PTPRD: variants seen among roughly 807,000 people sequenced by gnomAD.
The protein encoded by PTPRD is protein tyrosine phosphatase receptor type D.
In PTPRD, 34 loss-of-function variants were observed where a neutral mutation model predicts 214.5. The ratio of observed to expected loss-of-function variants is 0.16; its 90% CI spans 0.12 to 0.21. The LOEUF (loss-of-function observed/expected upper bound fraction) is 0.21, where lower values mean the gene tolerates loss of function less well. Among genes scored for constraint, PTPRD ranks in the 10% least tolerant of loss-of-function variants. The pLI, the probability that PTPRD is intolerant of heterozygous loss-of-function variation, is 1.00. For synonymous variants in PTPRD, 1,128 were observed against 845.7 expected (o/e 1.33, Z -5.79); for missense variants, 2,545 against 2,398.7 (o/e 1.06, Z -1.27).
intron 12 of PTPRD, 67 bp from the exon 13 acceptor site, chr9:8,636,911 C>A (rs2154328707): frequency 1.3e-6 from 2 of 1,510,260 alleles, no homozygotes; most frequent in Admixed American, 3.5e-5. Context: ...CCTACTACCG[C>A]TGCTCTCCCC....
Position 8,439,496 on chromosome 9 carries a change from T to C in PTPRD, c.3989-2807A>G, listed in dbSNP as rs148996296. ...AATGGAAAACTAGTATGCAGTTGAA[T>C]TGTTTATTTTTTGAACTATTTAAGT... On this transcript the variant is annotated intron_variant, in intron 34 of 45. Transcript: ENST00000381196. 1.2e-3 allele frequency among the ~76,000 whole-genome samples: 178 copies of C among 152,338 alleles called. 1 individual carries two copies. The highest frequency in any genetic ancestry group is 1.8e-3 in the Non-Finnish European group (125 of 68,026).
chr9:9,527,982 A>G (rs1214426828), intron 8 of PTPRD, among the ~76,000 whole-genome samples: 1 of 152,234 alleles, frequency 6.6e-6, no homozygotes, highest in Non-Finnish European at 1.5e-5. Context: ...ATGATCCCAA[A>G]AAGAATTAAA....
chr9:9,389,034 G>A (rs987827749), intron 9 of PTPRD, among the ~76,000 whole-genome samples: 1 of 151,990 alleles, frequency 6.6e-6, no homozygotes, highest in East Asian at 1.9e-4. Flanking sequence ...TCTGACTTTG[G>A]GCAAGTAACT....
At chr9:9,316,393 T>C (rs547029281) in intron 9 of PTPRD, among the ~76,000 whole-genome samples, 1 of 152,216 alleles carries the variant, frequency 6.6e-6, no homozygotes, top group East Asian at 1.9e-4. Context: ...AGAAAAATCA[T>C]TTATAGTACA....
chr9:9,890,131 A>T (rs1255480381), intron 5 of PTPRD, among the ~76,000 whole-genome samples: 1 of 151,890 alleles, frequency 6.6e-6, no homozygotes, highest in Non-Finnish European at 1.5e-5. Context: ...CCTTTATATG[A>T]CATTTCTGAT....
intron 3 of PTPRD, among the ~76,000 whole-genome samples, chr9:10,264,929 G>A (rs2093954707): frequency 6.6e-6 from 1 of 152,128 alleles, no homozygotes; most frequent in Admixed American, 6.5e-5. Flanking sequence ...AGTCTCATGA[G>A]ATCTGATGGT....
At chr9:9,928,238 G>C (rs539164421) in intron 5 of PTPRD, among the ~76,000 whole-genome samples, 2 of 152,076 alleles carry the variant, frequency 1.3e-5, no homozygotes, top group Non-Finnish European at 2.9e-5. Flanking sequence ...ATATTACATG[G>C]TTAGAATTAA....
chr9:10,095,622 C>A (rs2098475575), intron 3 of PTPRD, among the ~76,000 whole-genome samples: 1 of 151,402 alleles, frequency 6.6e-6, no homozygotes, highest in African/African-American at 2.4e-5. Flanking sequence ...AGATAATATG[C>A]ATAGATTTTA....
chr9:9,536,911 T>G (rs117006053), intron 8 of PTPRD, among the ~76,000 whole-genome samples: 2 of 151,746 alleles, frequency 1.3e-5, no homozygotes, highest in African/African-American at 4.8e-5. Context: ...TGGAAGTGAG[T>G]GGAAAGGGTA....
At chr9:10,160,930 C>A (rs2154288655) in intron 3 of PTPRD, among the ~76,000 whole-genome samples, 1 of 151,826 alleles carries the variant, frequency 6.6e-6, no homozygotes, top group Middle Eastern at 3.4e-3. Flanking sequence ...CTTCAGTTAA[C>A]AATATGAAAT....
At chr9:10,055,600 G>A (rs1239757751) in intron 3 of PTPRD, among the ~76,000 whole-genome samples, 4 of 151,894 alleles carry the variant, frequency 2.6e-5, no homozygotes, top group Non-Finnish European at 4.4e-5. Context: ...ATATATGGGG[G>A]CAATTATCAC....
intron 3 of PTPRD, among the ~76,000 whole-genome samples, chr9:10,122,212 G>A (rs942330485): frequency 3.3e-5 from 5 of 152,114 alleles, no homozygotes; most frequent in Non-Finnish European, 7.4e-5. Context: ...GGAGGCTGAG[G>A]CAGGAGAATC....
chr9:8,627,361 C>T (rs1379196474), intron 14 of PTPRD, among the ~76,000 whole-genome samples: 1 of 151,958 alleles, frequency 6.6e-6, no homozygotes. Context: ...TCATGTCAAA[C>T]TCTCTGGACC....
intron 8 of PTPRD, among the ~76,000 whole-genome samples, chr9:9,416,098 T>C (rs1287449741): frequency 1.3e-5 from 2 of 152,200 alleles, no homozygotes; most frequent in African/African-American, 4.8e-5. Context: ...GTTGATTCTG[T>C]CTTCTAAATA....
intron 5 of PTPRD, among the ~76,000 whole-genome samples, chr9:9,850,027 C>T (rs913625772): frequency 3.9e-5 from 6 of 152,022 alleles, no homozygotes; most frequent in African/African-American, 1.2e-4. Flanking sequence ...ATCATGCTTG[C>T]GTAGTGAACT....
intron 12 of PTPRD, among the ~76,000 whole-genome samples, chr9:8,724,470 T>C (rs1219745461): frequency 6.6e-6 from 1 of 152,210 alleles, no homozygotes; most frequent in Non-Finnish European, 1.5e-5. Flanking sequence ...AAGGCCACTC[T>C]GGCTGGCCTC....
chr9:9,611,255 T>C (rs917634915), intron 7 of PTPRD, among the ~76,000 whole-genome samples: 2 of 152,170 alleles, frequency 1.3e-5, no homozygotes, highest in Non-Finnish European at 2.9e-5. Context: ...GACATATAAA[T>C]AACAGAATTG....
chr9:9,998,646 G>C (rs1183131138), intron 4 of PTPRD, among the ~76,000 whole-genome samples: 1 of 152,038 alleles, frequency 6.6e-6, no homozygotes, highest in Non-Finnish European at 1.5e-5. Flanking sequence ...CTGTCCTCTA[G>C]GGGAGCTCTA....
In PTPRD at chr9:9,525,901, C is replaced by T. The variant is rs542897220; in HGVS notation, c.-237+48831G>A. ...AGGTATTCATCCATGTAAGCATCAC[C>T]TAAGTCAACATAAAAAACATTGCCT... On this transcript the variant is annotated intron_variant, in intron 8 of 45. Coordinates refer to ENST00000381196, the MANE Select transcript of PTPRD (RefSeq NM_002839.4). 2.6e-5 allele frequency among the ~76,000 whole-genome samples: 4 copies of T among 151,962 alleles called. No homozygotes were observed. The South Asian group carries it at 6.2e-4, about 24-fold the overall frequency.
Sources: allele counts gnomAD v4.1 joint callset (sites outside exome capture counted in the v4.1 genomes callset), GRCh38; gene constraint gnomAD v4.1.1; transcripts MANE v1.5; gene names NCBI Gene and HGNC (gene_info 2026-07-23, HGNC 2026-07-21).